The following PHLDB2 variants were observed in gnomAD, a reference collection of about 807,000 sequenced individuals.
The protein encoded by PHLDB2 is pleckstrin homology like domain family B member 2.
A neutral mutation model predicts 123.6 loss-of-function variants in PHLDB2; 71 were observed. The ratio of observed to expected loss-of-function variants is 0.57; its 90% CI spans 0.47 to 0.70. PHLDB2 has a LOEUF of 0.70. PHLDB2 is among the 30% of genes least tolerant of loss of function. The pLI, the probability that PHLDB2 is intolerant of heterozygous loss-of-function variation, is 0.00. For missense variants in PHLDB2, 1,446 were observed against 1,519.5 expected (o/e 0.95, Z 0.80); for synonymous variants, 547 against 541.6 (o/e 1.01, Z -0.14).
chr3:111,885,808 A>G, intron 2 of PHLDB2: 1 of 564,416 alleles, frequency 1.8e-6, no homozygotes, highest in Non-Finnish European at 3.1e-6. Flanking sequence ...AGAAGTAGTC[A>G]GTGAAATCAT....
At chr3:111,942,660 G>C (rs947607014) in intron 8 of PHLDB2, among the ~76,000 whole-genome samples, 3 of 152,104 alleles carry the variant, frequency 2.0e-5, no homozygotes, top group African/African-American at 7.2e-5. Flanking sequence ...TAGTGACTAA[G>C]TGCAGTGAAG....
chr3:111,855,412 CCT>C (rs1349470665), upstream of PHLDB2, among the ~76,000 whole-genome samples: 15 of 151,268 alleles, frequency 9.9e-5, no homozygotes, highest in African/African-American at 3.6e-4. Context: ...TTTCTTCCTT[CCT>C]TCCTTCCTTT....
intron 1 of PHLDB2, among the ~76,000 whole-genome samples, chr3:111,812,059 C>G (rs945329995): frequency 1.3e-5 from 2 of 152,180 alleles, no homozygotes; most frequent in Non-Finnish European, 2.9e-5. Context: ...AATCTCAGAA[C>G]CTGAATTCCA....
chr3:111,938,053 G>A (rs1300415061), intron 6 of PHLDB2, among the ~76,000 whole-genome samples: 1 of 152,102 alleles, frequency 6.6e-6, no homozygotes, highest in Non-Finnish European at 1.5e-5. Context: ...ATTATTCTGA[G>A]AGTGGTGGTG....
At chr3:111,803,304 T>C (rs1272897492) in intron 1 of PHLDB2, among the ~76,000 whole-genome samples, 2 of 152,160 alleles carry the variant, frequency 1.3e-5, no homozygotes, top group Non-Finnish European at 2.9e-5. Flanking sequence ...CTGACAAATA[T>C]GGAATGGAAT....
intron 1 of PHLDB2, among the ~76,000 whole-genome samples, chr3:111,839,027 A>G (rs1194666397): frequency 6.6e-6 from 1 of 152,210 alleles, no homozygotes; most frequent in Non-Finnish European, 1.5e-5. Context: ...AATCACTTCC[A>G]GATTTCTCTA....
intron 1 of PHLDB2, among the ~76,000 whole-genome samples, chr3:111,750,944 T>C (rs1054306475): frequency 1.0e-5 from 1 of 95,450 alleles, no homozygotes; most frequent in African/African-American, 7.3e-5. Context: ...TGAAACTCTG[T>C]CTCAAAAAAA....
intron 1 of PHLDB2, among the ~76,000 whole-genome samples, chr3:111,831,218 T>G (rs1332207140): frequency 1.3e-5 from 2 of 152,164 alleles, no homozygotes; most frequent in African/African-American, 4.8e-5. Flanking sequence ...GCAAATCACT[T>G]TGCATATGCA....
intron 1 of PHLDB2, among the ~76,000 whole-genome samples, chr3:111,741,998 C>T (rs2059612226): frequency 6.6e-6 from 1 of 152,166 alleles, no homozygotes; most frequent in Non-Finnish European, 1.5e-5. Context: ...GTAAACTCAT[C>T]ACTGGATACA....
chr3:111,734,804 G>A (rs1460966140), intron 1 of PHLDB2, among the ~76,000 whole-genome samples: 2 of 152,164 alleles, frequency 1.3e-5, no homozygotes, highest in Non-Finnish European at 2.9e-5. Context: ...ATGTGGATAA[G>A]CATAAATTGG....
At chr3:111,755,965 A>C (rs991971022) in intron 1 of PHLDB2, among the ~76,000 whole-genome samples, 1 of 151,292 alleles carries the variant, frequency 6.6e-6, no homozygotes, top group African/African-American at 2.4e-5. Context: ...AGTGGTTTTG[A>C]GTGAGTTTCT....
intron 2 of PHLDB2, among the ~76,000 whole-genome samples, chr3:111,849,191 G>T (rs768183655): frequency 7.2e-5 from 11 of 151,920 alleles, no homozygotes; most frequent in Non-Finnish European, 1.6e-4. Context: ...TTGTTTTTTT[G>T]ATATGGTCTC....
At chr3:111,790,426 C>T (rs1286471969) in intron 1 of PHLDB2, among the ~76,000 whole-genome samples, 1 of 152,184 alleles carries the variant, frequency 6.6e-6, no homozygotes, top group Non-Finnish European at 1.5e-5. Context: ...TTAATATATA[C>T]CTTCCAGAAC....
chr3:111,918,963 A>C, intron 3 of PHLDB2, 109 bp from the exon 4 acceptor site: 1 of 1,119,012 alleles, frequency 8.9e-7, no homozygotes, highest in Non-Finnish European at 1.3e-6. Context: ...TAAAATCTAC[A>C]TGGGCATGGA....
chr3:111,923,644 CCACCCTCCATCCT>C (rs1316447767), intron 5 of PHLDB2, among the ~76,000 whole-genome samples: 1 of 152,148 alleles, frequency 6.6e-6, no homozygotes, highest in Non-Finnish European at 1.5e-5. Flanking sequence ...CTTCCACCCT[CCACCCTCCATCCT>C]CTAGTTTTTC....
chr3:111,874,011 T>C (rs1388395087), intron 1 of PHLDB2, among the ~76,000 whole-genome samples: 1 of 152,180 alleles, frequency 6.6e-6, no homozygotes, highest in Non-Finnish European at 1.5e-5. Flanking sequence ...AAAATAATGA[T>C]TTTTCCTATA....
At chr3:111,895,080 CT>C (rs2066748240) in intron 2 of PHLDB2, among the ~76,000 whole-genome samples, 1 of 151,488 alleles carries the variant, frequency 6.6e-6, no homozygotes, top group South Asian at 2.1e-4. Context: ...GTTGTCATAC[CT>C]TTTTTCTTTC....
chr3:111,923,345 C>T (rs1014748019), intron 5 of PHLDB2, among the ~76,000 whole-genome samples: 2 of 152,172 alleles, frequency 1.3e-5, no homozygotes, highest in Non-Finnish European at 2.9e-5. Context: ...TTTTGTTTGC[C>T]TCTGTGTACC....
chr3:111,893,094 A>ACC (rs141892085), intron 2 of PHLDB2, among the ~76,000 whole-genome samples: 13 of 151,188 alleles, frequency 8.6e-5, no homozygotes, highest in African/African-American at 2.2e-4. Context: ...AGTCCTGACC[A>ACC]CCCCCCCAAA....
Sources: gnomAD v4.1 joint callset for allele counts (sites outside exome capture counted in the v4.1 genomes callset) on GRCh38, gnomAD v4.1.1 for gene constraint, MANE v1.5 for transcripts, NCBI Gene and HGNC (gene_info 2026-07-23, HGNC 2026-07-21) for gene names.